The following CTNNA3 variants were observed in gnomAD, a reference collection of about 807,000 sequenced individuals.
CTNNA3 encodes the protein catenin alpha-3.
Under a neutral mutation model 95.7 loss-of-function variants are expected in CTNNA3, and 76 were observed. The ratio of observed to expected loss-of-function variants is 0.79; its 90% CI spans 0.66 to 0.96. The LOEUF is 0.96. Among genes scored for constraint, CTNNA3 ranks in the 40% least tolerant of loss-of-function variants. The probability of loss-of-function intolerance (pLI) is 0.00; values close to 1 mark genes in which losing one functional copy is unlikely to be tolerated. For missense variants in CTNNA3, 1,191 were observed against 1,089.8 expected (o/e 1.09, Z -1.31); for synonymous variants, 431 against 374.4 (o/e 1.15, Z -1.74).
intron 9 of CTNNA3, among the ~76,000 whole-genome samples, chr10:66,691,904 G>C (rs1367886432): frequency 5.9e-5 from 9 of 151,666 alleles, no homozygotes. Flanking sequence ...TGAGGGTCCT[G>C]TCTGTTAGAA....
intron 7 of CTNNA3, among the ~76,000 whole-genome samples, chr10:66,786,353 T>C (rs1840744472): frequency 6.6e-6 from 1 of 152,198 alleles, no homozygotes; most frequent in African/African-American, 2.4e-5. Flanking sequence ...AAATAACTTT[T>C]ATGTTCCCTT....
At chr10:67,558,772 T>G (rs1564738342) in intron 3 of CTNNA3, among the ~76,000 whole-genome samples, 1 of 152,158 alleles carries the variant, frequency 6.6e-6, no homozygotes, top group Non-Finnish European at 1.5e-5. Flanking sequence ...GAAAATCGGG[T>G]CACTCCCACC....
chr10:66,535,313 G>A (rs1841613749), intron 10 of CTNNA3, among the ~76,000 whole-genome samples: 1 of 152,126 alleles, frequency 6.6e-6, no homozygotes, highest in Non-Finnish European at 1.5e-5. Flanking sequence ...TATTTATTTT[G>A]TTCAGGGCAG....
At chr10:67,713,038 A>G (rs1483226120) in intron 1 of CTNNA3, among the ~76,000 whole-genome samples, 2 of 152,226 alleles carry the variant, frequency 1.3e-5, no homozygotes, top group African/African-American at 4.8e-5. Context: ...TATCCATCTG[A>G]CAAAGGGCTA....
intron 13 of CTNNA3, among the ~76,000 whole-genome samples, chr10:66,256,588 G>A (rs1239371920): frequency 6.6e-6 from 1 of 152,008 alleles, no homozygotes; most frequent in African/African-American, 2.4e-5. Flanking sequence ...GGTCATGGTG[G>A]CACATGCCTG....
At chr10:67,342,960 CCTTTT>C (rs1456851326) in intron 5 of CTNNA3, among the ~76,000 whole-genome samples, 1 of 151,772 alleles carries the variant, frequency 6.6e-6, no homozygotes, top group African/African-American at 2.4e-5. Flanking sequence ...ACATAATTTT[CCTTTT>C]CTTTTGAGTC....
intron 3 of CTNNA3, among the ~76,000 whole-genome samples, chr10:67,600,362 A>C (rs1056204302): frequency 1.3e-5 from 2 of 152,116 alleles, no homozygotes; most frequent in Non-Finnish European, 2.9e-5. Flanking sequence ...AAAGGAACAA[A>C]ATAATAATTT....
At chr10:67,407,811 T>G (rs542572092) in intron 5 of CTNNA3, among the ~76,000 whole-genome samples, 1 of 152,140 alleles carries the variant, frequency 6.6e-6, no homozygotes, top group Non-Finnish European at 1.5e-5. Context: ...TGAACTCCCA[T>G]TCACAATTGC....
At chr10:66,594,730 G>A (rs1192353531) in intron 10 of CTNNA3, among the ~76,000 whole-genome samples, 1 of 152,032 alleles carries the variant, frequency 6.6e-6, no homozygotes, top group Non-Finnish European at 1.5e-5. Flanking sequence ...TTCCTGATAT[G>A]GTAGCATGTA....
chr10:66,326,711 G>A (rs568489471), intron 12 of CTNNA3, among the ~76,000 whole-genome samples: 2 of 151,822 alleles, frequency 1.3e-5, no homozygotes, highest in African/African-American at 2.4e-5. Context: ...TGGGGGTAGC[G>A]GGAGATCAGA....
At chr10:66,103,965 G>C (rs1248078164) in intron 13 of CTNNA3, among the ~76,000 whole-genome samples, 1 of 152,136 alleles carries the variant, frequency 6.6e-6, no homozygotes, top group Non-Finnish European at 1.5e-5. Flanking sequence ...ATAGCAATTT[G>C]GCTACCCACT....
chr10:67,594,400 G>A (rs1000876804), intron 3 of CTNNA3, among the ~76,000 whole-genome samples: 1 of 152,066 alleles, frequency 6.6e-6, no homozygotes, highest in Admixed American at 6.6e-5. Context: ...CTGATTAGCA[G>A]GGATTTTTTT....
At chr10:66,344,191 C>T (rs2092480728) in intron 12 of CTNNA3, among the ~76,000 whole-genome samples, 1 of 147,380 alleles carries the variant, frequency 6.8e-6, no homozygotes, top group South Asian at 2.2e-4. Flanking sequence ...CGCACCATTG[C>T]ACTCCAGCCT....
At chr10:65,941,373 T>C (rs545206803) in intron 17 of CTNNA3, among the ~76,000 whole-genome samples, 2 of 152,264 alleles carry the variant, frequency 1.3e-5, no homozygotes, top group South Asian at 4.2e-4. Context: ...CCAAAGCCAG[T>C]GCTTATTTTA....
chr10:66,016,061 T>C (rs2079090399), intron 15 of CTNNA3, among the ~76,000 whole-genome samples: 4 of 152,176 alleles, frequency 2.6e-5, no homozygotes, highest in Admixed American at 6.5e-5. Flanking sequence ...AACATGTCTC[T>C]CCCTAGATCT....
chr10:67,633,498 C>A (rs1479511930), intron 2 of CTNNA3, among the ~76,000 whole-genome samples: 1 of 152,156 alleles, frequency 6.6e-6, no homozygotes, highest in East Asian at 1.9e-4. Context: ...CATGTCAGTA[C>A]CCCCACTGGG....
chr10:67,383,523 C>T (rs980486917), intron 5 of CTNNA3, among the ~76,000 whole-genome samples: 1 of 152,178 alleles, frequency 6.6e-6, no homozygotes, highest in African/African-American at 2.4e-5. Flanking sequence ...AGTCTCACAA[C>T]AAGTACTAAC....
Position 67,128,588 on chromosome 10 carries a change from G to T in CTNNA3, c.1047+51729C>A, listed in dbSNP as rs150973855. Among the ~76,000 whole-genome samples the T allele has an allele frequency of 2.5e-3, 379 of 152,160 alleles. 3 individuals are homozygous for T. The highest frequency in any genetic ancestry group is 8.5e-3 in the African/African-American group (355 of 41,536). On this transcript the variant is annotated intron_variant, in intron 7 of 17. Transcript: ENST00000433211. ...ATATTTTCCTTTTGTTCCTTTAACA[G>T]CTTTACCCCTTTGACAAGATTTTAA...
At chr10:66,346,244 TATAGAGAGAGAGAGAGAG>T (rs2092516707) in intron 12 of CTNNA3, among the ~76,000 whole-genome samples, 3 of 9,038 alleles carry the variant, frequency 3.3e-4, no homozygotes, top group South Asian at 0.011. Context: ...TATATATATA[TATAGAGAGAGAGAGAGAG>T]AGAGAGAGAG....
Sources: gnomAD v4.1 joint callset for allele counts (sites outside exome capture counted in the v4.1 genomes callset) on GRCh38, gnomAD v4.1.1 for gene constraint, MANE v1.5 for transcripts, NCBI Gene and HGNC (gene_info 2026-07-23, HGNC 2026-07-21) for gene names.